NLGN1: variants seen among roughly 807,000 people sequenced by gnomAD.
The protein encoded by NLGN1 is neuroligin 1.
A neutral mutation model predicts 65.5 loss-of-function variants in NLGN1; 12 were observed. That is an observed-to-expected ratio of 0.18 (90% CI 0.12 to 0.30). NLGN1 has a LOEUF of 0.30. Ranked by LOEUF, NLGN1 falls within the 10% of genes least tolerant of loss-of-function variation. NLGN1 has a pLI of 1.00. For synonymous variants in NLGN1, 350 were observed against 359.5 expected (o/e 0.97, Z 0.30); for missense variants, 750 against 1,007.1 (o/e 0.74, Z 3.46).
chr3:173,671,739 A>AC lies in NLGN1; in HGVS notation c.493+66651dup, dbSNP rs1202676929. Among the ~76,000 whole-genome samples the AC allele has an allele frequency of 2.0e-5, 3 of 152,334 alleles. No individual in the cohort carries two copies. In the East Asian group the frequency reaches 5.8e-4, roughly 29 times the overall value. ...GAGGCACTGATATTTCAAGTATCTG[A>AC]CCCAATGGCAAACACAAGGTAAAAC... On this transcript the variant is annotated intron_variant, in intron 3 of 6. Coordinates refer to ENST00000457714, the Ensembl canonical transcript of NLGN1.
intron 2 of NLGN1, among the ~76,000 whole-genome samples, chr3:173,469,245 G>T (rs1724911314): frequency 6.6e-6 from 1 of 151,774 alleles, no homozygotes; most frequent in South Asian, 2.1e-4. Context: ...TATTATAAAA[G>T]ATAATGTACC....
rs398063034 is a variant in NLGN1 at position 173,422,146 on chromosome 3, T to TATACACACACACAC, written c.-389-12863_-389-12862insTACACACACACACA. The stretch of plus-strand genomic sequence containing the variant: ...TGTACTATATATAGTACACTATATA[T>TATACACACACACAC]ACACACACACACACACATACACACA... On this transcript the variant is annotated intron_variant, in intron 1 of 6. Coordinates refer to ENST00000457714, the Ensembl canonical transcript of NLGN1. Among the ~76,000 whole-genome samples, 1,244 of 130,296 alleles carry TATACACACACACAC rather than the reference T, an allele frequency of 9.5e-3. 12 individuals carry two copies. Among genetic ancestry groups the TATACACACACACAC allele is most frequent in the African/African-American group, 0.033 (1,189 of 35,690 alleles). The allele number at this position is 130,296 out of a possible 152,430, so 85.5% of individuals were successfully genotyped here.
chr3:173,975,731 C>A (rs1717283961), intron 4 of NLGN1, among the ~76,000 whole-genome samples: 1 of 151,864 alleles, frequency 6.6e-6, no homozygotes, highest in South Asian at 2.1e-4. Context: ...CACTGAGCAC[C>A]CTATCAACTC....
chr3:173,919,681 A>G (rs1177551407), intron 4 of NLGN1, among the ~76,000 whole-genome samples: 1 of 152,192 alleles, frequency 6.6e-6, no homozygotes, highest in Non-Finnish European at 1.5e-5. Context: ...AAATATGGAT[A>G]AAATATTTAA....
chr3:173,605,912 G>T (rs1272816999), intron 3 of NLGN1, among the ~76,000 whole-genome samples: 1 of 152,034 alleles, frequency 6.6e-6, no homozygotes, highest in Non-Finnish European at 1.5e-5. Context: ...AAACAATGCT[G>T]TCTTAGGAAC....
chr3:174,089,498 G>T (rs906360966), intron 4 of NLGN1, among the ~76,000 whole-genome samples: 2 of 152,064 alleles, frequency 1.3e-5, no homozygotes, highest in Non-Finnish European at 2.9e-5. Flanking sequence ...AGAAAAGTTT[G>T]CATTCACACT....
intron 3 of NLGN1, among the ~76,000 whole-genome samples, chr3:173,689,148 T>C (rs1358507061): frequency 6.6e-6 from 1 of 152,210 alleles, no homozygotes; most frequent in African/African-American, 2.4e-5. Context: ...AGTATTCCTC[T>C]AGATTATGCT....
exon 3 of NLGN1, chr3:173,604,674 G>C (rs1349519137): frequency 1.9e-6 from 3 of 1,613,574 alleles, no homozygotes. Context: ...CCGGGGATTG[G>C]GTGCCCCATT....
At chr3:174,103,820 C>CT (rs1713117705) in intron 4 of NLGN1, among the ~76,000 whole-genome samples, 1 of 151,932 alleles carries the variant, frequency 6.6e-6, no homozygotes, top group Non-Finnish European at 1.5e-5. Context: ...AGAGTCTAAA[C>CT]TTTTTTTAGG....
At chr3:173,628,260 T>C (rs1229224026) in intron 3 of NLGN1, among the ~76,000 whole-genome samples, 2 of 152,156 alleles carry the variant, frequency 1.3e-5, no homozygotes, top group Non-Finnish European at 2.9e-5. Flanking sequence ...TCATTTGATA[T>C]CAACTTTAGG....
chr3:173,806,366 CT>C (rs541426158), intron 3 of NLGN1, among the ~76,000 whole-genome samples: 19 of 152,144 alleles, frequency 1.2e-4, no homozygotes, highest in African/African-American at 4.1e-4. Flanking sequence ...AATTTGTATT[CT>C]GTTAGTCCAT....
chr3:173,814,607 G>T (rs760768373), intron 4 of NLGN1, among the ~76,000 whole-genome samples: 5 of 152,134 alleles, frequency 3.3e-5, no homozygotes, highest in Non-Finnish European at 7.3e-5. Context: ...AATTATTGTG[G>T]ATGTTAGTTA....
intron 4 of NLGN1, among the ~76,000 whole-genome samples, chr3:174,175,287 ATAT>A (rs377461608): frequency 1.3e-3 from 200 of 151,944 alleles, no homozygotes; most frequent in African/African-American, 4.7e-3. Context: ...AACTCTAATA[ATAT>A]TTGCTTTATA....
At chr3:173,468,508 T>C (rs150682741) in intron 2 of NLGN1, among the ~76,000 whole-genome samples, 2 of 152,212 alleles carry the variant, frequency 1.3e-5, no homozygotes, top group African/African-American at 2.4e-5. Context: ...GGCCATCAAA[T>C]ACACAAATCT....
At chr3:174,092,717 A>G (rs915866724) in intron 4 of NLGN1, among the ~76,000 whole-genome samples, 4 of 152,138 alleles carry the variant, frequency 2.6e-5, no homozygotes, top group African/African-American at 4.8e-5. Flanking sequence ...ATGCACTCCA[A>G]TGCATGACAA....
chr3:173,790,402 T>C (rs1712432026), intron 3 of NLGN1, among the ~76,000 whole-genome samples: 1 of 152,176 alleles, frequency 6.6e-6, no homozygotes, highest in Non-Finnish European at 1.5e-5. Context: ...CTAGATTCTT[T>C]CTCAACCACC....
intron 2 of NLGN1, among the ~76,000 whole-genome samples, chr3:173,491,219 T>C (rs988562758): frequency 4.6e-5 from 7 of 151,884 alleles, no homozygotes; most frequent in Non-Finnish European, 8.8e-5. Context: ...CAGTATGATA[T>C]TGGCTGTGGG....
intron 4 of NLGN1, among the ~76,000 whole-genome samples, chr3:174,046,764 A>G (rs1453843066): frequency 2.6e-5 from 4 of 152,092 alleles, no homozygotes; most frequent in South Asian, 2.1e-4. Context: ...TAAGTAATGT[A>G]TATTTGTGAA....
chr3:173,648,982 A>G (rs1435548826), intron 3 of NLGN1, among the ~76,000 whole-genome samples: 1 of 152,214 alleles, frequency 6.6e-6, no homozygotes, highest in East Asian at 1.9e-4. Flanking sequence ...CTTTATTTCT[A>G]TTAGTATGAA....
Sources: allele counts gnomAD v4.1 joint callset (sites outside exome capture counted in the v4.1 genomes callset), GRCh38; gene constraint gnomAD v4.1.1; transcripts MANE v1.5; gene names NCBI Gene and HGNC (gene_info 2026-07-23, HGNC 2026-07-21).